Variants in MYO1D observed in about 807,000 individuals in gnomAD.
MYO1D encodes the protein unconventional myosin-Id.
A neutral mutation model predicts 122.0 loss-of-function variants in MYO1D; 83 were observed. The ratio of observed to expected loss-of-function variants is 0.68; its 90% confidence interval spans 0.57 to 0.82. MYO1D has a LOEUF of 0.82. Among genes scored for constraint, MYO1D ranks in the 40% least tolerant of loss-of-function variants. MYO1D has a pLI of 0.00. For synonymous variants in MYO1D, 464 were observed against 446.9 expected, an observed-to-expected ratio of 1.04 and a Z score of -0.48; for missense variants, 1,157 against 1,269.5, an observed-to-expected ratio of 0.91 and a Z score of 1.35.
intron 20 of MYO1D, among the ~76,000 whole-genome samples, chr17:32,627,288 G>A (rs1212419117): frequency 6.6e-6 from 1 of 152,132 alleles, no homozygotes; most frequent in African/African-American, 2.4e-5. Flanking sequence ...GTAGGCTAGC[G>A]CACACCAGCA....
chr17:32,773,723 G>A (rs2090146111), intron 4 of MYO1D, among the ~76,000 whole-genome samples: 3 of 151,890 alleles, frequency 2.0e-5, no homozygotes, highest in Admixed American at 2.0e-4. Flanking sequence ...AATACCACTT[G>A]ACCCCAATAC....
intron 16 of MYO1D, among the ~76,000 whole-genome samples, chr17:32,671,446 C>T (rs8065752): frequency 5.9e-5 from 9 of 152,274 alleles, no homozygotes; most frequent in East Asian, 3.9e-4. Context: ...AACATTTGGG[C>T]GCTGGGGCGA....
intron 8 of MYO1D, among the ~76,000 whole-genome samples, chr17:32,763,822 A>C (rs2090027132): frequency 6.6e-6 from 1 of 152,332 alleles, no homozygotes; most frequent in South Asian, 2.1e-4. Flanking sequence ...TGGGAGGCTG[A>C]GACAGGAGAA....
At position 32,802,033 on chromosome 17, in the gene MYO1D, G is replaced by C. The variant is rs549437899; in HGVS notation, c.96-21249C>G. ...TTGTTGACTATCTGTTCTCAGTCTT[G>C]GCTGTGTGGTATACAGCTTGTACCC... On this transcript the variant is annotated intron_variant, in intron 1 of 21. Coordinates refer to ENST00000318217, the MANE Select transcript of MYO1D (RefSeq NM_015194.3). Among the ~76,000 whole-genome samples, 7 of 152,134 alleles carry C rather than the reference G, an allele frequency of 4.6e-5. No individual in the cohort carries two copies. In the South Asian group the frequency reaches 8.3e-4, roughly 18 times the overall value.
chr17:32,732,757 G>A (rs973289692), intron 14 of MYO1D, among the ~76,000 whole-genome samples: 7 of 152,200 alleles, frequency 4.6e-5, no homozygotes, highest in Non-Finnish European at 7.3e-5. Context: ...ACACAAACAG[G>A]GCTGAAACAT....
At chr17:32,505,742 C>T (rs1909482040) in intron 21 of MYO1D, 2 of 152,378 alleles carry the variant, frequency 1.3e-5, no homozygotes, top group South Asian at 4.1e-4. Context: ...TCCACTGCAG[C>T]TCACCAAAGG....
intron 1 of MYO1D, among the ~76,000 whole-genome samples, chr17:32,866,088 G>A (rs575437778): frequency 7.2e-5 from 11 of 152,128 alleles, no homozygotes; most frequent in South Asian, 6.2e-4. Context: ...ATTCACAGGC[G>A]TGACCATAGT....
At chr17:32,572,995 T>C (rs1182382694) in intron 21 of MYO1D, among the ~76,000 whole-genome samples, 1 of 152,106 alleles carries the variant, frequency 6.6e-6, no homozygotes, top group Non-Finnish European at 1.5e-5. Flanking sequence ...CTTTCTAGAA[T>C]AAGAGCCCTT....
chr17:32,501,289 G>A (rs768215651), intron 21 of MYO1D, among the ~76,000 whole-genome samples: 3 of 152,158 alleles, frequency 2.0e-5, no homozygotes, highest in African/African-American at 7.2e-5. Context: ...TTGTTATAAC[G>A]TTGGGGTGCT....
intron 1 of MYO1D, among the ~76,000 whole-genome samples, chr17:32,781,057 GA>G (rs2151029499): frequency 6.6e-6 from 1 of 152,304 alleles, no homozygotes; most frequent in African/African-American, 2.4e-5. Context: ...CCAAAATACA[GA>G]AGGGTAAGAA....
At chr17:32,508,905 T>C (rs2150857804) in intron 21 of MYO1D, among the ~76,000 whole-genome samples, 1 of 152,370 alleles carries the variant, frequency 6.6e-6, no homozygotes, top group South Asian at 2.1e-4. Context: ...CTGAGCACTT[T>C]CATGTCCCTA....
At chr17:32,651,679 T>TC in intron 19 of MYO1D, among the ~76,000 whole-genome samples, 1 of 150,720 alleles carries the variant, frequency 6.6e-6, no homozygotes, top group Admixed American at 6.6e-5. Context: ...TCCCACTTTT[T>TC]TTTTTTTTTT....
intron 1 of MYO1D, among the ~76,000 whole-genome samples, chr17:32,824,461 C>T (rs981796911): frequency 6.6e-6 from 1 of 152,200 alleles, no homozygotes; most frequent in Non-Finnish European, 1.5e-5. Context: ...TTATAGTACC[C>T]ATAAAACTAA....
chr17:32,530,373 T>C (rs559345793), intron 21 of MYO1D, among the ~76,000 whole-genome samples: 4 of 152,242 alleles, frequency 2.6e-5, no homozygotes, highest in South Asian at 2.1e-4. Flanking sequence ...ATGTAGAACA[T>C]AGGGAAATAT....
intron 21 of MYO1D, among the ~76,000 whole-genome samples, chr17:32,508,759 ATAGAG>A (rs1361774494): frequency 1.3e-5 from 2 of 152,216 alleles, no homozygotes; most frequent in African/African-American, 2.4e-5. Context: ...GCCCGAAGTG[ATAGAG>A]TAGAGGCAGG....
Position 32,494,795 on chromosome 17 carries a change from A to G in MYO1D, c.2985T>C (p.Asn995=), listed in dbSNP as rs999218060. Residue 995 remains asparagine, a synonymous_variant, in exon 22 of 22, where the codon AAT becomes AAC. Transcript: ENST00000318217. ...LNQPQPDFTK[N]RSGFILSVPG... ...GCACGCTGAGGATGAAGCCCGAGCG[A>G]TTCTTGGTGAAGTCGGGCTGGGGCT... 3 of 1,612,664 alleles carry G rather than the reference A, an allele frequency of 1.9e-6. No individual in the cohort carries two copies. Among genetic ancestry groups the G allele is most frequent in the Non-Finnish European group, 2.5e-6 (3 of 1,179,404 alleles).
At chr17:32,810,876 T>G (rs1229242149) in intron 1 of MYO1D, among the ~76,000 whole-genome samples, 4 of 152,232 alleles carry the variant, frequency 2.6e-5, no homozygotes, top group Admixed American at 6.5e-5. Context: ...AATTTAATAT[T>G]TATGAGTCTT....
intron 16 of MYO1D, among the ~76,000 whole-genome samples, chr17:32,667,526 AG>A: frequency 1.3e-5 from 2 of 152,358 alleles, no homozygotes; most frequent in South Asian, 4.1e-4. Context: ...AAGACACAAA[AG>A]AACCAAATCT....
intron 20 of MYO1D, among the ~76,000 whole-genome samples, chr17:32,630,076 A>G (rs117747933): frequency 2.1e-3 from 320 of 152,360 alleles, no homozygotes; most frequent in Non-Finnish European, 3.8e-3. Flanking sequence ...GTATAAACTC[A>G]TGTTTAACTT....
Sources: allele counts gnomAD v4.1 joint callset (sites outside exome capture counted in the v4.1 genomes callset), GRCh38; gene constraint gnomAD v4.1.1; transcripts MANE v1.5; gene names NCBI Gene and HGNC (gene_info 2026-07-23, HGNC 2026-07-21).